Variants in PLCL1 observed in about 807,000 individuals in gnomAD.
PLCL1 encodes the protein inactive phospholipase C-like protein 1.
A neutral mutation model predicts 84.4 loss-of-function variants in PLCL1; 41 were observed. That is an observed-to-expected ratio of 0.49 (90% CI 0.38 to 0.63). The LOEUF (loss-of-function observed/expected upper bound fraction) is 0.63, where lower values mean the gene tolerates loss of function less well. Among genes scored for constraint, PLCL1 ranks in the 30% least tolerant of loss-of-function variants. The pLI is 0.00. For missense variants in PLCL1, 1,206 were observed against 1,367.8 expected (o/e 0.88, Z 1.87); for synonymous variants, 490 against 488.3 (o/e 1.00, Z -0.05).
chr2:198,066,102 T>C, intron 1 of PLCL1, among the ~76,000 whole-genome samples: 1 of 152,174 alleles, frequency 6.6e-6, no homozygotes, highest in Non-Finnish European at 1.5e-5. Context: ...CTTTGTTAGC[T>C]TTTCTCCTAA....
Position 198,149,477 on chromosome 2 carries a change from C to T in PLCL1, c.*2515C>T, listed in dbSNP as rs1694594629. 6.6e-6 allele frequency: 1 copy of T among 152,136 alleles called. No homozygotes were observed. Among genetic ancestry groups the T allele is most frequent in the South Asian group, 2.1e-4 (1 of 4,830 alleles). 9.4% of individuals were successfully genotyped at this position (152,136 alleles called of 1,614,324 possible). ...GGAATAATTGATTTTGAACTTGGGT[C>T]TGTCTGATTTCATGTGCAAGATTAT... On this transcript the variant is annotated 3_prime_UTR_variant, in exon 6 of 6. Coordinates refer to ENST00000428675, the MANE Select transcript of PLCL1 (RefSeq NM_006226.4).
At chr2:198,032,181 G>A (rs963891455) in intron 1 of PLCL1, among the ~76,000 whole-genome samples, 3 of 152,290 alleles carry the variant, frequency 2.0e-5, no homozygotes. Context: ...ATCTGTCTGT[G>A]TGCTAGCAGA....
intron 1 of PLCL1, among the ~76,000 whole-genome samples, chr2:197,824,019 A>G (rs1326440055): frequency 6.6e-6 from 1 of 152,162 alleles, no homozygotes; most frequent in Non-Finnish European, 1.5e-5. Flanking sequence ...TCAGCAAATG[A>G]TTTTTAAGTA....
At chr2:198,046,781 G>A (rs1228953307) in intron 1 of PLCL1, among the ~76,000 whole-genome samples, 1 of 152,188 alleles carries the variant, frequency 6.6e-6, no homozygotes, top group Non-Finnish European at 1.5e-5. Flanking sequence ...CAAGGCAGCA[G>A]TGAGCTGTGA....
intron 5 of PLCL1, among the ~76,000 whole-genome samples, chr2:198,106,615 G>C (rs1472753140): frequency 6.6e-6 from 1 of 151,900 alleles, no homozygotes; most frequent in Non-Finnish European, 1.5e-5. Context: ...ACAGAAAGGT[G>C]CTAGGGATAC....
intron 1 of PLCL1, among the ~76,000 whole-genome samples, chr2:198,048,221 G>T (rs541404737): frequency 1.3e-5 from 2 of 152,274 alleles, no homozygotes; most frequent in Admixed American, 1.3e-4. Context: ...GTAAATTATA[G>T]TCAACACAGA....
chr2:198,063,658 C>T (rs1231273471), intron 1 of PLCL1, among the ~76,000 whole-genome samples: 1 of 152,162 alleles, frequency 6.6e-6, no homozygotes, highest in Non-Finnish European at 1.5e-5. Flanking sequence ...TTGCTACCTG[C>T]TCTTTTTACA....
chr2:197,838,961 T>G (rs1691243349), intron 1 of PLCL1, among the ~76,000 whole-genome samples: 1 of 152,218 alleles, frequency 6.6e-6, no homozygotes, highest in Non-Finnish European at 1.5e-5. Context: ...TTTACACTGT[T>G]TTGGTGCATA....
At chr2:197,930,196 T>C (rs1267783030) in intron 1 of PLCL1, among the ~76,000 whole-genome samples, 3 of 152,230 alleles carry the variant, frequency 2.0e-5, no homozygotes, top group African/African-American at 7.2e-5. Flanking sequence ...CTTCACACTT[T>C]CATAAGACTT....
intron 1 of PLCL1, among the ~76,000 whole-genome samples, chr2:198,073,497 C>G (rs1046472850): frequency 6.6e-6 from 1 of 152,172 alleles, no homozygotes; most frequent in Non-Finnish European, 1.5e-5. Flanking sequence ...TTCATCTTGA[C>G]GTTGAAACCA....
At chr2:198,007,102 C>G (rs1690745744) in intron 1 of PLCL1, among the ~76,000 whole-genome samples, 1 of 152,040 alleles carries the variant, frequency 6.6e-6, no homozygotes, top group African/African-American at 2.4e-5. Context: ...CTTTGGATGG[C>G]TGGATTTAAA....
At chr2:198,043,795 A>G (rs899670316) in intron 1 of PLCL1, among the ~76,000 whole-genome samples, 1 of 151,884 alleles carries the variant, frequency 6.6e-6, no homozygotes, top group East Asian at 1.9e-4. Context: ...CAAATCTCAG[A>G]CAGAGCTTGA....
chr2:197,825,867 G>T (rs1360723764), intron 1 of PLCL1, among the ~76,000 whole-genome samples: 1 of 152,228 alleles, frequency 6.6e-6, no homozygotes, highest in Non-Finnish European at 1.5e-5. Context: ...AAGGCTTGCA[G>T]GTGAATAATG....
At chr2:197,872,029 G>A (rs1687658758) in intron 1 of PLCL1, among the ~76,000 whole-genome samples, 2 of 152,138 alleles carry the variant, frequency 1.3e-5, no homozygotes, top group South Asian at 4.1e-4. Context: ...CTGTCACTTT[G>A]TTGCTGTAGA....
At chr2:197,998,415 T>C (rs1029057555) in intron 1 of PLCL1, among the ~76,000 whole-genome samples, 6 of 152,028 alleles carry the variant, frequency 3.9e-5, no homozygotes, top group African/African-American at 1.4e-4. Flanking sequence ...GTGAGGGGTG[T>C]GTGTAGGGAG....
intron 1 of PLCL1, among the ~76,000 whole-genome samples, chr2:197,869,296 ATTATTTTAAGAGCAATACACTTCT>A (rs1289278609): frequency 6.6e-6 from 1 of 152,094 alleles, no homozygotes; most frequent in Non-Finnish European, 1.5e-5. Flanking sequence ...TAGTGAAATT[ATTATTTTAAGAGCAATACACTTCT>A]TAGAGGAACT....
At chr2:198,065,378 C>A (rs767896486) in intron 1 of PLCL1, among the ~76,000 whole-genome samples, 5 of 152,202 alleles carry the variant, frequency 3.3e-5, no homozygotes, top group Non-Finnish European at 7.3e-5. Context: ...TTACAGAATT[C>A]TCTCCACCAA....
intron 5 of PLCL1, among the ~76,000 whole-genome samples, chr2:198,144,126 G>C (rs962957509): frequency 1.3e-5 from 2 of 152,168 alleles, no homozygotes; most frequent in East Asian, 1.9e-4. Flanking sequence ...TATGTTTCAT[G>C]CCATGCTGTG....
intron 1 of PLCL1, among the ~76,000 whole-genome samples, chr2:198,005,345 T>C (rs1463602771): frequency 6.6e-6 from 1 of 152,248 alleles, no homozygotes; most frequent in Admixed American, 6.5e-5. Flanking sequence ...AGGGTTAATA[T>C]GATCTCCAGC....
Sources: gnomAD v4.1 joint callset for allele counts (sites outside exome capture counted in the v4.1 genomes callset) on GRCh38, gnomAD v4.1.1 for gene constraint, MANE v1.5 for transcripts, NCBI Gene and HGNC (gene_info 2026-07-23, HGNC 2026-07-21) for gene names.